Variants in C2orf49 observed in about 807,000 individuals in gnomAD.
C2orf49 encodes the protein tRNA-splicing ligase complex subunit ASW.
A neutral mutation model predicts 20.6 loss-of-function variants in C2orf49; 11 were observed. That is an observed-to-expected ratio of 0.53 (90% confidence interval 0.34 to 0.88). The LOEUF is 0.88. Among genes scored for constraint, C2orf49 ranks in the 40% least tolerant of loss-of-function variants. C2orf49 has a pLI of 0.02. For synonymous variants in C2orf49, 134 were observed against 108.5 expected (o/e 1.24, Z -1.46); for missense variants, 289 against 274.2 (o/e 1.05, Z -0.38).
At chr2:105,380,957 G>T in the C2orf49 span, among the ~76,000 whole-genome samples, 1 of 152,138 alleles carries the variant, frequency 6.6e-6, no homozygotes, top group African/African-American at 2.4e-5. Context: ...CATGGGCTGT[G>T]CCTGTTGCTT....
the C2orf49 span, chr2:105,360,322 G>A: frequency 6.7e-6 from 1 of 150,180 alleles, no homozygotes; most frequent in Admixed American, 6.6e-5. Flanking sequence ...AAAAAAAAGG[G>A]AGAGAAGGTA....
chr2:105,371,225 G>A, the C2orf49 span, among the ~76,000 whole-genome samples: 6 of 152,152 alleles, frequency 3.9e-5, no homozygotes, highest in African/African-American at 9.7e-5. Flanking sequence ...ACTTGTTGCC[G>A]TGAAGGTGTT....
the C2orf49 span, among the ~76,000 whole-genome samples, chr2:105,383,465 TAGAG>T: frequency 1.3e-5 from 2 of 152,236 alleles, no homozygotes; most frequent in African/African-American, 2.4e-5. Flanking sequence ...AGTGGCTACA[TAGAG>T]AGGATGTTCA....
the C2orf49 span, among the ~76,000 whole-genome samples, chr2:105,371,546 A>ATCTCTCTC: frequency 0.03 from 4,270 of 140,956 alleles, 148 homozygotes; most frequent in East Asian, 0.21. Flanking sequence ...ATCCCTTGAA[A>ATCTCTCTC]TCTCTCTCTC....
At chr2:105,363,063 T>C in the C2orf49 span, 1 of 536,936 alleles carries the variant, frequency 1.9e-6, no homozygotes, top group Non-Finnish European at 3.4e-6. Flanking sequence ...GCACTGGCCA[T>C]ATGGTTGTGA....
At chr2:105,351,358 C>T (rs944031495), downstream of C2orf49, among the ~76,000 whole-genome samples, 1 of 120,028 alleles carries the variant, frequency 8.3e-6, no homozygotes, top group Non-Finnish European at 1.6e-5. Context: ...TTCCCCTTTT[C>T]ATACATACTG....
intron 3 of C2orf49, among the ~76,000 whole-genome samples, chr2:105,343,892 T>C (rs946294259): frequency 3.3e-5 from 5 of 151,788 alleles, no homozygotes; most frequent in African/African-American, 1.2e-4. Flanking sequence ...AGAAAAGTGC[T>C]TTTACTTTTA....
chr2:105,376,137 A>G, the C2orf49 span: 1 of 152,198 alleles, frequency 6.6e-6, no homozygotes, highest in Non-Finnish European at 1.5e-5. Flanking sequence ...AGCTCCAGGC[A>G]CGGCACAGCC....
chr2:105,378,355 C>A, the C2orf49 span: 2 of 372,962 alleles, frequency 5.4e-6, no homozygotes, highest in Non-Finnish European at 1.1e-5. Flanking sequence ...CCTGTCCCCC[C>A]ACACCCTGCT....
the C2orf49 span, among the ~76,000 whole-genome samples, chr2:105,380,548 A>G: frequency 2.1e-3 from 327 of 152,314 alleles, no homozygotes; most frequent in African/African-American, 7.3e-3. Context: ...CTTTCCAAAC[A>G]GAAAAGCTCC....
At chr2:105,360,631 C>T in the C2orf49 span, 5 of 152,522 alleles carry the variant, frequency 3.3e-5, no homozygotes, top group African/African-American at 7.2e-5. Flanking sequence ...GCTGGGATTA[C>T]AGGCGTGAGC....
chr2:105,339,663 G>A lies in C2orf49; in HGVS notation c.180G>A (p.Leu60=). Residue 60 remains leucine, a synonymous_variant, in exon 2 of 4, where the codon TTG becomes TTA. Coordinates refer to ENST00000258457, the MANE Select transcript of C2orf49 (RefSeq NM_024093.3). ...TDLYVQHAIP[L]PQRDLPKNRW... is the part of the protein sequence containing the mutation. ...TTTATGTCCAACATGCAATACCATT[G>A]CCTCAGAGGGATTTGCCGAAGAATA... The A allele has an allele frequency of 6.2e-7, 1 of 1,609,638 alleles. No individual in the cohort carries two copies. Among genetic ancestry groups the A allele is most frequent in the Non-Finnish European group, 8.5e-7 (1 of 1,179,134 alleles).
chr2:105,367,112 A>G, the C2orf49 span, among the ~76,000 whole-genome samples: 2 of 152,188 alleles, frequency 1.3e-5, no homozygotes, highest in Non-Finnish European at 2.9e-5. Flanking sequence ...TCCCATATCC[A>G]TGGAGGCAGA....
the C2orf49 span, among the ~76,000 whole-genome samples, chr2:105,368,753 A>G: frequency 2.0e-5 from 3 of 152,190 alleles, no homozygotes; most frequent in Non-Finnish European, 4.4e-5. Flanking sequence ...ATAGTAACGG[A>G]TGATTCCAGA....
At chr2:105,355,323 T>G in the C2orf49 span, among the ~76,000 whole-genome samples, 1 of 152,038 alleles carries the variant, frequency 6.6e-6, no homozygotes, top group African/African-American at 2.4e-5. Flanking sequence ...TGAAAGTAAC[T>G]CTGGAAATGA....
At chr2:105,341,305 A>G (rs1436996505) in intron 2 of C2orf49, among the ~76,000 whole-genome samples, 1 of 152,208 alleles carries the variant, frequency 6.6e-6, no homozygotes, top group East Asian at 1.9e-4. Context: ...TAGTCCCCCA[A>G]AATCATTTTG....
chr2:105,365,930 C>T, the C2orf49 span, among the ~76,000 whole-genome samples: 6 of 152,060 alleles, frequency 3.9e-5, no homozygotes, highest in Non-Finnish European at 8.8e-5. Context: ...TGGGGCCAGG[C>T]ATGGTGGCTC....
In C2orf49 at chr2:105,337,654, T is replaced by C; in HGVS notation, c.67T>C (p.Ser23Pro). 6.9e-7 allele frequency: 1 copy of C among 1,445,710 alleles called. No individual in the cohort carries two copies. Among genetic ancestry groups the C allele is most frequent in the Non-Finnish European group, 9.2e-7 (1 of 1,081,804 alleles). 89.6% of individuals were successfully genotyped at this position (1,445,710 alleles called of 1,614,324 possible). A position where few individuals can be genotyped will look rare whatever the true frequency, so the allele number is the denominator to read the frequency against. ...SELLLHPELL[S>P]QEFLLLTLEQ... ...ACTGCTGCTGCACCCGGAGCTGCTG[T>C]CCCAGGAGTTCCTTCTCCTCACTCT... Residue 23 changes from serine (S) to proline (P), a missense_variant, in exon 1 of 4, where the codon TCC becomes CCC. Ser to Pro is a moderately conservative substitution (Grantham distance 74, BLOSUM62 -1). Transcript: ENST00000258457.
chr2:105,345,225 A>T, intron 3 of C2orf49, 90 bp from the exon 4 acceptor site: 3 of 1,148,890 alleles, frequency 2.6e-6, no homozygotes, highest in Non-Finnish European at 3.8e-6. Flanking sequence ...TTAATACATT[A>T]ATAGTAAACC....
Sources: allele counts gnomAD v4.1 joint callset (sites outside exome capture counted in the v4.1 genomes callset), GRCh38; gene constraint gnomAD v4.1.1; transcripts MANE v1.5; gene names NCBI Gene and HGNC (gene_info 2026-07-23, HGNC 2026-07-21).